Variants in APBB2 observed in about 807,000 individuals in gnomAD.
The protein encoded by APBB2 is amyloid beta precursor protein binding family B member 2, also known as Fe65-like 1.
A neutral mutation model predicts 82.5 loss-of-function variants in APBB2; 38 were observed. The ratio of observed to expected loss-of-function variants is 0.46; its 90% CI spans 0.36 to 0.60. The LOEUF is 0.60. Ranked by LOEUF, APBB2 falls within the 20% of genes least tolerant of loss-of-function variation. APBB2 has a pLI of 0.00. For missense variants in APBB2, 772 were observed against 972.3 expected (o/e 0.79, Z 2.74); for synonymous variants, 341 against 368.2 (o/e 0.93, Z 0.85).
At chr4:41,022,702 G>GT (rs1215224527) in intron 5 of APBB2, among the ~76,000 whole-genome samples, 1 of 152,228 alleles carries the variant, frequency 6.6e-6, no homozygotes, top group Non-Finnish European at 1.5e-5. Flanking sequence ...CTAGCACAGA[G>GT]TAGGCACTCA....
At chr4:41,203,229 C>T (rs755615533) in intron 1 of APBB2, among the ~76,000 whole-genome samples, 21 of 151,770 alleles carry the variant, frequency 1.4e-4, no homozygotes, top group Non-Finnish European at 2.8e-4. Context: ...CACGTGTACA[C>T]GTAACAGCAG....
intron 13 of APBB2, among the ~76,000 whole-genome samples, chr4:40,829,088 G>A (rs1170405783): frequency 6.6e-6 from 1 of 152,206 alleles, no homozygotes; most frequent in African/African-American, 2.4e-5. Context: ...CAAGTCTGGG[G>A]CATGGAAAGG....
intron 6 of APBB2, among the ~76,000 whole-genome samples, chr4:40,992,854 G>A (rs1318064714): frequency 1.3e-5 from 2 of 152,124 alleles, no homozygotes; most frequent in African/African-American, 2.4e-5. Context: ...ATGGAGATAG[G>A]CCGGCCTGCC....
At chr4:40,852,479 C>T (rs186509520) in intron 12 of APBB2, among the ~76,000 whole-genome samples, 322 of 151,950 alleles carry the variant, frequency 2.1e-3, no homozygotes, top group Admixed American at 7.1e-3. Context: ...TATTTTCATG[C>T]CAGAACAAAG....
At chr4:41,112,256 A>G (rs1366315243) in intron 2 of APBB2, among the ~76,000 whole-genome samples, 1 of 152,234 alleles carries the variant, frequency 6.6e-6, no homozygotes, top group Non-Finnish European at 1.5e-5. Flanking sequence ...TCTTCAGTGG[A>G]GTTCCAATGA....
At chr4:40,831,731 T>C (rs1441981113) in intron 12 of APBB2, among the ~76,000 whole-genome samples, 1 of 152,160 alleles carries the variant, frequency 6.6e-6, no homozygotes, top group Non-Finnish European at 1.5e-5. Context: ...TGCAGTCCTA[T>C]CAAAGGCCTT....
chr4:40,843,585 C>T (rs1363381368), intron 12 of APBB2, among the ~76,000 whole-genome samples: 1 of 152,200 alleles, frequency 6.6e-6, no homozygotes. Context: ...TTTACTTTAT[C>T]TCTTTGAAAA....
chr4:40,988,713 T>C (rs1475009305), intron 6 of APBB2, among the ~76,000 whole-genome samples: 1 of 145,732 alleles, frequency 6.9e-6, no homozygotes, highest in Non-Finnish European at 1.5e-5. Context: ...ATATAATTAA[T>C]ATTACTGTGA....
chr4:40,983,498 T>C (rs1032052680), intron 6 of APBB2, among the ~76,000 whole-genome samples: 2 of 152,200 alleles, frequency 1.3e-5, no homozygotes, highest in African/African-American at 2.4e-5. Flanking sequence ...TTTCTCTCAG[T>C]AGTGGACAAA....
intron 10 of APBB2, among the ~76,000 whole-genome samples, chr4:40,925,905 C>T (rs1324711277): frequency 6.6e-6 from 1 of 152,172 alleles, no homozygotes; most frequent in African/African-American, 2.4e-5. Flanking sequence ...GTCCATTCGC[C>T]ATTCAGTTCA....
At chr4:41,021,512 T>C (rs900904828) in intron 5 of APBB2, among the ~76,000 whole-genome samples, 2 of 152,250 alleles carry the variant, frequency 1.3e-5, no homozygotes, top group Admixed American at 1.3e-4. Flanking sequence ...CAGCACTCTA[T>C]GTCTTGCTAA....
At chr4:40,886,982 G>C (rs753905732) in intron 12 of APBB2, among the ~76,000 whole-genome samples, 28 of 152,178 alleles carry the variant, frequency 1.8e-4, no homozygotes, top group Admixed American at 9.8e-4. Flanking sequence ...AAAGCAAATG[G>C]GCCCCAAGAA....
intron 5 of APBB2, among the ~76,000 whole-genome samples, chr4:41,030,635 T>G (rs749820041): frequency 1.3e-5 from 2 of 152,206 alleles, no homozygotes; most frequent in Non-Finnish European, 2.9e-5. Flanking sequence ...AAGATAATTT[T>G]TTTTTAATAG....
intron 2 of APBB2, among the ~76,000 whole-genome samples, chr4:41,121,467 T>G (rs145643280): frequency 4.6e-5 from 7 of 152,360 alleles, no homozygotes; most frequent in Non-Finnish European, 8.8e-5. Flanking sequence ...AGCGTGCGTG[T>G]GTACACGCTC....
intron 6 of APBB2, among the ~76,000 whole-genome samples, chr4:40,954,271 G>C (rs896800407): frequency 2.0e-5 from 3 of 152,220 alleles, no homozygotes; most frequent in Non-Finnish European, 2.9e-5. Flanking sequence ...TCTAAATTTA[G>C]CAAGGTCTGT....
At chr4:41,177,166 C>T (rs1387311166) in intron 1 of APBB2, among the ~76,000 whole-genome samples, 1 of 152,158 alleles carries the variant, frequency 6.6e-6, no homozygotes, top group African/African-American at 2.4e-5. Context: ...TTTAAGTACA[C>T]ACCACAGATG....
chr4:40,825,416 T>C (rs185757712), intron 15 of APBB2, among the ~76,000 whole-genome samples: 3 of 152,352 alleles, frequency 2.0e-5, no homozygotes, highest in East Asian at 1.9e-4. Context: ...TGGCTTGGTA[T>C]AGCCCAGCAA....
chr4:40,896,138 C>A (rs1773604898), intron 10 of APBB2, among the ~76,000 whole-genome samples: 1 of 151,944 alleles, frequency 6.6e-6, no homozygotes, highest in Non-Finnish European at 1.5e-5. Context: ...GATCTCAGCT[C>A]ACTGCAACCT....
intron 10 of APBB2, among the ~76,000 whole-genome samples, chr4:40,914,988 C>T (rs1166766842): frequency 6.6e-6 from 1 of 152,190 alleles, no homozygotes; most frequent in Non-Finnish European, 1.5e-5. Flanking sequence ...TTTTAGTCAT[C>T]TGACAAGAGA....
Sources: allele counts gnomAD v4.1 joint callset (sites outside exome capture counted in the v4.1 genomes callset), GRCh38; gene constraint gnomAD v4.1.1; transcripts MANE v1.5; gene names NCBI Gene and HGNC (gene_info 2026-07-23, HGNC 2026-07-21).